CEP192: variants seen among roughly 807,000 people sequenced by gnomAD.
The protein encoded by CEP192 is centrosomal protein of 192 kDa.
CEP192 carries 151 observed loss-of-function variants against 271.8 expected under a neutral mutation model. The ratio of observed to expected loss-of-function variants is 0.56; its 90% confidence interval spans 0.49 to 0.64. CEP192 has a LOEUF of 0.64. CEP192 is among the 30% of genes least tolerant of loss of function. The pLI, the probability that CEP192 is intolerant of heterozygous loss-of-function variation, is 0.00. For synonymous variants in CEP192, 995 were observed against 1,076.5 expected, an observed-to-expected ratio of 0.92 and a Z score of 1.48; for missense variants, 2,910 against 3,020.5, an observed-to-expected ratio of 0.96 and a Z score of 0.86.
chr18:13,078,805 CCCCCAT>C (rs2038431166), intron 30 of CEP192, among the ~76,000 whole-genome samples: 1 of 152,102 alleles, frequency 6.6e-6, no homozygotes, highest in Non-Finnish European at 1.5e-5. Context: ...CCACAACAGG[CCCCCAT>C]GTGTGTGATG....
chr18:13,016,040 C>T (rs1452998151), intron 6 of CEP192, among the ~76,000 whole-genome samples: 1 of 152,218 alleles, frequency 6.6e-6, no homozygotes, highest in African/African-American at 2.4e-5. Flanking sequence ...GCCATCGCGC[C>T]TGGCCAGAAC....
Position 13,103,547 on chromosome 18 carries a change from G to A in CEP192, c.6910G>A (p.Val2304Met), listed in dbSNP as rs754404441. The stretch of plus-strand genomic sequence containing the variant: ...ACTCGAGAATCATGGCACCACAGAC[G>A]TGAAATGGCATCTGTCATCTTTAGC... Reference protein sequence around the residue: ...LELENHGTTDVKWHLSSLAPP... With the variant: ...LELENHGTTDMKWHLSSLAPP... Residue 2304 changes from valine (V) to methionine (M), a missense_variant, in exon 39 of 45, where the codon GTG (valine) becomes ATG (methionine). By Grantham distance (21) the Val-to-Met change is conservative. Coordinates refer to ENST00000506447, the MANE Select transcript of CEP192 (RefSeq NM_032142.4). 9.3e-6 allele frequency: 15 copies of A among 1,613,934 alleles called. No homozygotes were observed. Among genetic ancestry groups the A allele is most frequent in the East Asian group, 2.2e-5 (1 of 44,862 alleles).
intron 24 of CEP192, among the ~76,000 whole-genome samples, 175 bp from the exon 25 acceptor site, chr18:13,068,677 G>A (rs1305574749): frequency 6.6e-6 from 1 of 152,124 alleles, no homozygotes; most frequent in African/African-American, 2.4e-5. Flanking sequence ...CCAGTTGGAT[G>A]TTTTCTTTCT....
At chr18:13,075,891 T>G (rs2038247512) in intron 30 of CEP192, among the ~76,000 whole-genome samples, 1 of 152,134 alleles carries the variant, frequency 6.6e-6, no homozygotes, top group Non-Finnish European at 1.5e-5. Context: ...AGAGCCCACG[T>G]TTATGTATTG....
rs755311387 is a variant in CEP192 at position 13,087,004 on chromosome 18, A to G, written c.5617-13A>G. 2 of 1,580,240 alleles carry G rather than the reference A, an allele frequency of 1.3e-6. No homozygotes were observed. The highest frequency in any genetic ancestry group is 1.1e-5 in the South Asian group (1 of 88,304). ...AACATTAAAATAATTTTGGATATGT[A>G]TATCTTTTTTAGATACCTTTGTCTG... On this transcript the variant is annotated splice_polypyrimidine_tract_variant and intron_variant, in intron 30 of 44. Coordinates refer to ENST00000506447, the MANE Select transcript of CEP192 (RefSeq NM_032142.4).
intron 9 of CEP192, among the ~76,000 whole-genome samples, chr18:13,028,812 G>A (rs1249253319): frequency 6.6e-6 from 1 of 152,174 alleles, no homozygotes; most frequent in African/African-American, 2.4e-5. Flanking sequence ...GAGCTACTGC[G>A]CCTGGCCTTG....
intron 18 of CEP192, among the ~76,000 whole-genome samples, chr18:13,054,818 A>G (rs904548786): frequency 6.6e-6 from 1 of 152,262 alleles, no homozygotes; most frequent in African/African-American, 2.4e-5. Context: ...ACGTCTATCT[A>G]GTCTGTAAAT....
chr18:13,081,881 G>T (rs897165692), intron 30 of CEP192, among the ~76,000 whole-genome samples: 1 of 152,178 alleles, frequency 6.6e-6, no homozygotes. Context: ...TCATTCAGGA[G>T]CAGGTTGTTC....
intron 17 of CEP192, among the ~76,000 whole-genome samples, chr18:13,051,508 G>A (rs774648558): frequency 2.0e-5 from 3 of 152,098 alleles, no homozygotes; most frequent in Non-Finnish European, 2.9e-5. Flanking sequence ...TTACTAACTG[G>A]TATTTTGACA....
chr18:13,118,244 ATAATTT>A (rs1330587092), intron 44 of CEP192, among the ~76,000 whole-genome samples: 1 of 152,160 alleles, frequency 6.6e-6, no homozygotes, highest in African/African-American at 2.4e-5. Context: ...ATGCTGAAGA[ATAATTT>A]TAATTTCATC....
At chr18:13,096,137 T>C (rs766068182) in intron 35 of CEP192, 47 bp from the exon 36 acceptor site, 1 of 1,598,042 alleles carries the variant, frequency 6.3e-7, no homozygotes, top group Admixed American at 1.7e-5. Context: ...TTTGTCTTTT[T>C]CACTGTTGTT....
chr18:13,111,216 C>A (rs1415746177), intron 40 of CEP192, among the ~76,000 whole-genome samples: 1 of 152,206 alleles, frequency 6.6e-6, no homozygotes, highest in Non-Finnish European at 1.5e-5. Flanking sequence ...CCTCTGCCTC[C>A]TGGGTTCAAG....
intron 42 of CEP192, among the ~76,000 whole-genome samples, chr18:13,115,843 G>A (rs2040404021): frequency 6.6e-6 from 1 of 152,146 alleles, no homozygotes; most frequent in African/African-American, 2.4e-5. Context: ...GGCTGCTGGG[G>A]GGTGCCGAGC....
Position 13,087,276 on chromosome 18 carries a change from A to C in CEP192, c.5876A>C (p.Glu1959Ala). The change falls in exon 31 of 45, where the codon GAA becomes GCA. Residue 1959 changes from glutamate to alanine, a missense_variant and splice_region_variant. By Grantham distance (107) the Glu-to-Ala change is moderately radical. Transcript: ENST00000506447. ...DKFVLKERTQENVTLIYNPSD... is the reference protein window; with the variant it reads ...DKFVLKERTQANVTLIYNPSD... ...TTTGTACTCAAGGAAAGAACACAAG[A>C]AGTAAGTACAAAAGTTTCTGTGCTA... The C allele has an allele frequency of 6.3e-7, 1 of 1,592,580 alleles. No individual in the cohort carries two copies. Among genetic ancestry groups the C allele is most frequent in the Non-Finnish European group, 8.6e-7 (1 of 1,165,332 alleles).
intron 1 of CEP192, 81 bp from the exon 2 acceptor site, chr18:12,999,340 G>A: frequency 8.9e-7 from 1 of 1,120,566 alleles, no homozygotes; most frequent in Non-Finnish European, 1.2e-6. Flanking sequence ...AGATTTATTA[G>A]TTTTCTAAGA....
chr18:13,099,105 G>T (rs2039576122), intron 36 of CEP192, among the ~76,000 whole-genome samples: 1 of 148,844 alleles, frequency 6.7e-6, no homozygotes, highest in Non-Finnish European at 1.5e-5. Context: ...AGGCAGGGAG[G>T]TTGCAGTGAG....
rs76648576 is a variant in CEP192 at position 13,084,991 on chromosome 18, G to GTT, written c.5617-2013_5617-2012dup. ...CCACCACACCCAGCTAATTTTTTGG[G>GTT]TTTTTTTTTTTTTTAAGTAGAAAAG... On this transcript the variant is annotated intron_variant, in intron 30 of 44. Coordinates refer to ENST00000506447, the MANE Select transcript of CEP192 (RefSeq NM_032142.4). Among the ~76,000 whole-genome samples the GTT allele has an allele frequency of 2.8e-4, 40 of 141,478 alleles. 1 individual carries two copies. Among genetic ancestry groups the GTT allele is most frequent in the African/African-American group, 7.0e-4 (27 of 38,722 alleles). The allele number at this position is 141,478 out of a possible 152,430, so 92.8% of individuals were successfully genotyped here.
chr18:12,998,959 A>C (rs1210257329), intron 1 of CEP192, among the ~76,000 whole-genome samples: 1 of 152,164 alleles, frequency 6.6e-6, no homozygotes, highest in East Asian at 1.9e-4. Context: ...TTTTTAATTC[A>C]GTCTTAACAA....
intron 2 of CEP192, 59 bp downstream of exon 2, chr18:12,999,647 T>C: frequency 8.1e-7 from 1 of 1,232,328 alleles, no homozygotes; most frequent in South Asian, 2.0e-5. Flanking sequence ...CATGCTGATA[T>C]TTATGTTCTG....
Sources: gnomAD v4.1 joint callset for allele counts (sites outside exome capture counted in the v4.1 genomes callset) on GRCh38, gnomAD v4.1.1 for gene constraint, MANE v1.5 for transcripts, NCBI Gene and HGNC (gene_info 2026-07-23, HGNC 2026-07-21) for gene names.